The following PRKG1 variants were observed in gnomAD, a reference collection of about 807,000 sequenced individuals.
The protein encoded by PRKG1 is cGMP-dependent protein kinase 1.
Under a neutral mutation model 88.1 loss-of-function variants are expected in PRKG1, and 35 were observed. The observed-to-expected ratio is 0.40, with a 90% CI of 0.30 to 0.53. The LOEUF (loss-of-function observed/expected upper bound fraction) is 0.53, where lower values mean the gene tolerates loss of function less well. Among genes scored for constraint, PRKG1 ranks in the 20% least tolerant of loss-of-function variants. PRKG1 has a pLI of 0.59. For synonymous variants in PRKG1, 303 were observed against 292.5 expected, an observed-to-expected ratio of 1.04 and a Z score of -0.37; for missense variants, 540 against 839.8, an observed-to-expected ratio of 0.64 and a Z score of 4.41.
rs139659932 is a variant in PRKG1 at position 51,362,201 on chromosome 10, C to T, written c.479-105522C>T. 6.2e-3 allele frequency among the ~76,000 whole-genome samples: 944 copies of T among 151,920 alleles called. 5 individuals are homozygous for T. Among genetic ancestry groups the T allele is most frequent in the Non-Finnish European group, 9.4e-3 (635 of 67,896 alleles). On this transcript the variant is annotated intron_variant, in intron 2 of 17. Transcript: ENST00000373980. Reference sequence around the variant, plus strand: ...TCAAGCTGGAGTACAGTGGCATGATCATAGCTCTTCCCAGCCTTGATCTCC... The same window carrying T: ...TCAAGCTGGAGTACAGTGGCATGATTATAGCTCTTCCCAGCCTTGATCTCC...
At chr10:52,231,891 G>T (rs986486470) in intron 9 of PRKG1, among the ~76,000 whole-genome samples, 1 of 152,142 alleles carries the variant, frequency 6.6e-6, no homozygotes, top group Non-Finnish European at 1.5e-5. Flanking sequence ...AAACAGATTT[G>T]AACCTTTTCT....
At chr10:51,953,919 A>G (rs983222684) in intron 5 of PRKG1, among the ~76,000 whole-genome samples, 8 of 152,078 alleles carry the variant, frequency 5.3e-5, no homozygotes, top group Non-Finnish European at 7.4e-5. Context: ...TGCCCCTTTT[A>G]TCTTCTGATA....
At chr10:51,366,938 C>G (rs1037789159) in intron 2 of PRKG1, among the ~76,000 whole-genome samples, 4 of 151,866 alleles carry the variant, frequency 2.6e-5, no homozygotes, top group African/African-American at 9.7e-5. Flanking sequence ...AAATTAATGA[C>G]TAAACCAAGT....
At chr10:51,537,880 A>T (rs1842197454) in intron 3 of PRKG1, among the ~76,000 whole-genome samples, 1 of 152,098 alleles carries the variant, frequency 6.6e-6, no homozygotes, top group South Asian at 2.1e-4. Flanking sequence ...AGAACAGTAC[A>T]CTTTGAGAAC....
At chr10:51,741,999 T>G (rs1837447057) in intron 3 of PRKG1, among the ~76,000 whole-genome samples, 1 of 152,214 alleles carries the variant, frequency 6.6e-6, no homozygotes, top group African/African-American at 2.4e-5. Context: ...CTGGCTTTAG[T>G]AAACACATAG....
intron 3 of PRKG1, among the ~76,000 whole-genome samples, chr10:51,600,984 G>A (rs572651490): frequency 0.078 from 11,317 of 144,866 alleles, 1,459 homozygotes; most frequent in African/African-American, 0.28. Context: ...AGAAAGGGAG[G>A]AGGAAGACAG....
chr10:51,972,512 T>C (rs1843734806), intron 5 of PRKG1, among the ~76,000 whole-genome samples: 1 of 152,202 alleles, frequency 6.6e-6, no homozygotes, highest in Non-Finnish European at 1.5e-5. Flanking sequence ...TTTATACTTA[T>C]AACACGTGGT....
At position 52,147,174 on chromosome 10, in the gene PRKG1, T is replaced by A. The variant is rs559856611; in HGVS notation, c.1001+13269T>A. On this transcript the variant is annotated intron_variant, in intron 8 of 17. Coordinates refer to ENST00000373980, the MANE Select transcript of PRKG1 (RefSeq NM_006258.4). ...CTTCCTCTGAAATGTCAAAAGTAAA[T>A]AGTAAAGGCCAACAAGGTACCTAAA... is the stretch of plus-strand genomic sequence containing the variant. Among the ~76,000 whole-genome samples, 4 of 152,024 alleles carry A rather than the reference T, an allele frequency of 2.6e-5. No individual in the cohort carries two copies. In the East Asian group the frequency reaches 5.8e-4, roughly 22 times the overall value.
intron 7 of PRKG1, among the ~76,000 whole-genome samples, chr10:52,082,525 A>G (rs1370272974): frequency 2.6e-5 from 4 of 152,130 alleles, no homozygotes; most frequent in East Asian, 1.9e-4. Context: ...GAAATTGGAA[A>G]GAGATGCAAA....
chr10:51,143,476 GT>G (rs1323234316), intron 1 of PRKG1, among the ~76,000 whole-genome samples: 2 of 152,088 alleles, frequency 1.3e-5, no homozygotes, highest in East Asian at 3.9e-4. Flanking sequence ...TACTAATTTA[GT>G]TTACTTTGGG....
At chr10:51,275,082 T>A (rs2132185758) in intron 2 of PRKG1, among the ~76,000 whole-genome samples, 1 of 152,306 alleles carries the variant, frequency 6.6e-6, no homozygotes, top group African/African-American at 2.4e-5. Context: ...GAAATTAAAT[T>A]CGATAGCCAG....
chr10:52,057,753 G>A (rs186477067), intron 6 of PRKG1, among the ~76,000 whole-genome samples: 2 of 152,006 alleles, frequency 1.3e-5, no homozygotes, highest in Admixed American at 1.3e-4. Context: ...ATTTAAACAT[G>A]CCAATTAAAT....
chr10:51,224,375 C>A (rs1838632912), intron 2 of PRKG1, among the ~76,000 whole-genome samples: 1 of 152,186 alleles, frequency 6.6e-6, no homozygotes, highest in Non-Finnish European at 1.5e-5. Context: ...ATCTCTTCAG[C>A]CTTGTTCCCA....
chr10:51,143,823 G>GT (rs993746625), intron 1 of PRKG1, among the ~76,000 whole-genome samples: 14 of 151,482 alleles, frequency 9.2e-5, no homozygotes, highest in Admixed American at 2.6e-4. Flanking sequence ...GGTTATTTGG[G>GT]TTTTTTTTGC....
intron 2 of PRKG1, among the ~76,000 whole-genome samples, chr10:51,298,736 T>C (rs951637881): frequency 2.0e-5 from 3 of 152,136 alleles, no homozygotes; most frequent in African/African-American, 7.2e-5. Flanking sequence ...AATTGTTAGG[T>C]TGGAGTATTT....
intron 4 of PRKG1, among the ~76,000 whole-genome samples, chr10:51,834,532 T>C (rs1840078755): frequency 6.6e-6 from 1 of 151,844 alleles, no homozygotes; most frequent in Non-Finnish European, 1.5e-5. Flanking sequence ...TCCCAGCTAC[T>C]TGGAAGGCTG....
Position 51,508,249 on chromosome 10 carries a change from A to G in PRKG1, c.592+40413A>G, listed in dbSNP as rs142415838. ...ATATTGTCAGTATAAATGTATCACA[A>G]GAAGTGCAATTGCCACACAATATAC... is the stretch of plus-strand genomic sequence containing the variant. On this transcript the variant is annotated intron_variant, in intron 3 of 17. Coordinates refer to ENST00000373980, the MANE Select transcript of PRKG1 (RefSeq NM_006258.4). Among the ~76,000 whole-genome samples the G allele has an allele frequency of 2.6e-5, 4 of 152,348 alleles. No homozygotes were observed. The East Asian group carries it at 7.7e-4, about 29-fold the overall frequency.
At chr10:51,213,067 A>G (rs927573497) in intron 2 of PRKG1, among the ~76,000 whole-genome samples, 1 of 152,224 alleles carries the variant, frequency 6.6e-6, no homozygotes, top group Non-Finnish European at 1.5e-5. Context: ...AACCAAGCCA[A>G]ATGTCCAACA....
intron 3 of PRKG1, among the ~76,000 whole-genome samples, chr10:51,558,954 G>A (rs1455989989): frequency 6.6e-6 from 1 of 152,082 alleles, no homozygotes. Flanking sequence ...ATGTCATTGT[G>A]TTGTATCAAC....
Sources: allele counts gnomAD v4.1 joint callset (sites outside exome capture counted in the v4.1 genomes callset), GRCh38; gene constraint gnomAD v4.1.1; transcripts MANE v1.5; gene names NCBI Gene and HGNC (gene_info 2026-07-23, HGNC 2026-07-21).